The following TRAPPC2L variants were observed in gnomAD, a reference collection of about 807,000 sequenced individuals.
TRAPPC2L encodes the protein trafficking protein particle complex subunit 2L, also known as trafficking protein particle complex subunit 2-like protein.
Under a neutral mutation model 13.2 loss-of-function variants are expected in TRAPPC2L, and 17 were observed. The ratio of observed to expected loss-of-function variants is 1.29; its 90% CI spans 0.88 to 1.93. TRAPPC2L has a LOEUF of 1.93. Among genes scored for constraint, TRAPPC2L ranks in the 30% most tolerant of loss-of-function variants. TRAPPC2L has a pLI of 0.00. For synonymous variants in TRAPPC2L, 150 were observed against 98.1 expected (o/e 1.53, Z -3.12); for missense variants, 359 against 252.1 (o/e 1.42, Z -2.87).
chr16:88,860,609 G>C, exon 4 of TRAPPC2L: 1 of 590,470 alleles, frequency 1.7e-6, no homozygotes, highest in East Asian at 2.8e-5. Context: ...AATGTCCACA[G>C]TCTTGCCTCC....
chr16:88,859,434 T>A, intron 2 of TRAPPC2L: 1 of 701,144 alleles, frequency 1.4e-6, no homozygotes, highest in Middle Eastern at 2.3e-4. Context: ...GCTCCTGGAG[T>A]GTGAACTGGG....
At chr16:88,857,324 C>T in intron 1 of TRAPPC2L, 141 bp downstream of exon 1, 1 of 784,116 alleles carries the variant, frequency 1.3e-6, no homozygotes, top group Non-Finnish European at 1.9e-6. Flanking sequence ...CGGTCAGGGG[C>T]TTCGCGGTGG....
exon 4 of TRAPPC2L, chr16:88,861,640 G>A: frequency 2.0e-6 from 1 of 498,744 alleles, no homozygotes; most frequent in South Asian, 1.5e-5. Flanking sequence ...TTGATGACGT[G>A]GCTGACTACC....
upstream of TRAPPC2L, chr16:88,856,950 G>C (rs1355950875): frequency 2.1e-6 from 3 of 1,442,186 alleles, no homozygotes; most frequent in East Asian, 5.8e-5. Flanking sequence ...TTCCGGCTGG[G>C]CTGCGGGGCG....
At chr16:88,858,910 G>T in intron 2 of TRAPPC2L, 119 bp downstream of exon 2, 1 of 1,125,194 alleles carries the variant, frequency 8.9e-7, no homozygotes, top group South Asian at 1.6e-5. Context: ...GCCAGCCAGG[G>T]AATTAGGGTA....
chr16:88,858,326 C>T (rs1457802352), intron 1 of TRAPPC2L, among the ~76,000 whole-genome samples: 1 of 152,128 alleles, frequency 6.6e-6, no homozygotes, highest in African/African-American at 2.4e-5. Context: ...AGAGGCGTGC[C>T]CAGGTGCCAG....
chr16:88,861,790 ACCTTGAGGACCCCAGAAGC>A, exon 4 of TRAPPC2L: 1 of 407,660 alleles, frequency 2.5e-6, no homozygotes, highest in Non-Finnish European at 5.0e-6. Flanking sequence ...TTTCTCAAGG[ACCTTGAGGACCCCAGAAGC>A]CCTTGCAGCA....
exon 4 of TRAPPC2L, chr16:88,861,089 T>G: frequency 1.2e-6 from 1 of 849,352 alleles, no homozygotes. Context: ...GCATGTTCTC[T>G]CAACTAAAGG....
At position 88,860,051 on chromosome 16, in the gene TRAPPC2L, T is replaced by C. The variant is rs1968280675; in HGVS notation, c.453T>C (p.His151=). Reference sequence around the variant, plus strand: ...CATTTTGGTTGCCAAAATGCAACCATTTGGAAAATAAGGGAGGAAAGATCT... The same window carrying C: ...CATTTTGGTTGCCAAAATGCAACCACTTGGAAAATAAGGGAGGAAAGATCT... The change falls in exon 4 of 4, where the codon CAT becomes CAC. Residue 151 remains histidine, a synonymous_variant. Transcript: ENST00000565504. 2.3e-6 allele frequency: 3 copies of C among 1,317,578 alleles called. No individual in the cohort carries two copies. The East Asian group carries it at 6.9e-5, about 31-fold the overall frequency. 81.6% of individuals were successfully genotyped at this position (1,317,578 alleles called of 1,614,324 possible).
exon 4 of TRAPPC2L, chr16:88,861,759 C>A: frequency 2.2e-6 from 1 of 451,040 alleles, no homozygotes; most frequent in South Asian, 1.6e-5. Flanking sequence ...TTGGTTCCAG[C>A]ACTGGTCCAG....
At chr16:88,857,085 G>A (rs1383071371), upstream of TRAPPC2L, 6 of 1,534,646 alleles carry the variant, frequency 3.9e-6, no homozygotes, top group South Asian at 1.2e-5. Flanking sequence ...GATGGGGCGG[G>A]GCTTTGGAGG....
At chr16:88,856,962 G>T, upstream of TRAPPC2L, 2 of 1,411,014 alleles carry the variant, frequency 1.4e-6, no homozygotes, top group South Asian at 3.0e-5. Context: ...TGCGGGGCGG[G>T]GCCTGGACGG....
At chr16:88,859,558 T>A in intron 2 of TRAPPC2L, 105 bp from the exon 3 acceptor site, 1 of 1,085,224 alleles carries the variant, frequency 9.2e-7, no homozygotes. Context: ...GCATGGGCAT[T>A]TCCTGTGATT....
chr16:88,861,719 G>A, exon 4 of TRAPPC2L: 1 of 463,866 alleles, frequency 2.2e-6, no homozygotes, highest in Non-Finnish European at 4.4e-6. Context: ...AGCGGTCAAG[G>A]CTCAGCCCGC....
chr16:88,859,437 G>T, intron 2 of TRAPPC2L: 1 of 701,728 alleles, frequency 1.4e-6, no homozygotes, highest in South Asian at 1.5e-5. Flanking sequence ...CCTGGAGTGT[G>T]AACTGGGTAA....
At chr16:88,861,634 T>C (rs1222947244) in exon 4 of TRAPPC2L, 3 of 497,356 alleles carry the variant, frequency 6.0e-6, no homozygotes, top group Admixed American at 2.2e-5. Flanking sequence ...TGTCACTTGA[T>C]GACGTGGCTG....
At chr16:88,861,116 T>G in exon 4 of TRAPPC2L, 1 of 710,628 alleles carries the variant, frequency 1.4e-6, no homozygotes, top group Non-Finnish European at 2.4e-6. Flanking sequence ...GAGAGGAGAT[T>G]TGGCTTTTTC....
intron 1 of TRAPPC2L, chr16:88,857,561 C>G: frequency 3.7e-6 from 1 of 272,020 alleles, no homozygotes; most frequent in Non-Finnish European, 7.0e-6. Context: ...CCAGTCTCCC[C>G]GGAGCCGAGT....
chr16:88,858,805 C>A lies in TRAPPC2L; in HGVS notation c.206+14C>A. The A allele has an allele frequency of 6.2e-7, 1 of 1,609,952 alleles. No individual in the cohort carries two copies. On this transcript the variant is annotated intron_variant, in intron 2 of 3. Transcript: ENST00000565504. ...GGACTACAAGGTGTATCTTTCAGGG[C>A]AGGGTGTGTGTCAGGGAGGACCTAC...
Sources: allele counts gnomAD v4.1 joint callset (sites outside exome capture counted in the v4.1 genomes callset), GRCh38; gene constraint gnomAD v4.1.1; transcripts MANE v1.5; gene names NCBI Gene and HGNC (gene_info 2026-07-23, HGNC 2026-07-21).